Variants in MGAT4C observed in about 807,000 individuals in gnomAD.
MGAT4C encodes the protein MGAT4 family member C.
A neutral mutation model predicts 40.1 loss-of-function variants in MGAT4C; 19 were observed. The ratio of observed to expected loss-of-function variants is 0.47; its 90% CI spans 0.33 to 0.70. MGAT4C has a LOEUF of 0.70. Among genes scored for constraint, MGAT4C ranks in the 30% least tolerant of loss-of-function variants. The pLI, the probability that MGAT4C is intolerant of heterozygous loss-of-function variation, is 0.02. For missense variants in MGAT4C, 491 were observed against 563.2 expected (o/e 0.87, Z 1.30); for synonymous variants, 181 against 187.1 (o/e 0.97, Z 0.27).
chr12:86,091,646 T>TA (rs1398052255), intron 1 of MGAT4C, among the ~76,000 whole-genome samples: 1 of 152,130 alleles, frequency 6.6e-6, no homozygotes, highest in African/African-American at 2.4e-5. Context: ...CATAGCTTTA[T>TA]AATACCTCTT....
intron 1 of MGAT4C, among the ~76,000 whole-genome samples, chr12:86,769,954 T>C (rs1004174347): frequency 6.6e-6 from 1 of 152,042 alleles, no homozygotes; most frequent in African/African-American, 2.4e-5. Context: ...ATGGCACACG[T>C]ATACATATGT....
chr12:86,336,828 C>A (rs753285957), intron 3 of MGAT4C, among the ~76,000 whole-genome samples: 9 of 152,054 alleles, frequency 5.9e-5, no homozygotes, highest in Non-Finnish European at 1.3e-4. Flanking sequence ...AGGAAAGGCA[C>A]TTATTTTTCA....
At chr12:86,486,418 AC>A (rs1958020931) in intron 2 of MGAT4C, among the ~76,000 whole-genome samples, 10 of 148,112 alleles carry the variant, frequency 6.8e-5, no homozygotes, top group African/African-American at 2.5e-4. Flanking sequence ...ACACACACAC[AC>A]AAAAGAGCAT....
intron 2 of MGAT4C, among the ~76,000 whole-genome samples, chr12:86,014,941 C>T (rs1404679109): frequency 6.6e-6 from 1 of 151,126 alleles, no homozygotes; most frequent in East Asian, 1.9e-4. Context: ...GCCACCATAC[C>T]CGGCTAATTT....
rs534308404 is a variant in MGAT4C, at chr12:86,564,486, T to C, written c.-228-129221A>G. Among the ~76,000 whole-genome samples, 67 of 152,322 alleles carry C rather than the reference T, an allele frequency of 4.4e-4. 2 individuals are homozygous for C. The South Asian group carries it at 0.013, about 30-fold the overall frequency. On this transcript the variant is annotated intron_variant, in intron 2 of 7. Transcript: ENST00000548651. ...ATATCACACTGGTCCATTACATTGA[T>C]GGCATTATGCTGATTGGGTCCAGTA... is the stretch of plus-strand genomic sequence containing the variant.
chr12:86,137,281 T>C (rs1234340162), intron 1 of MGAT4C, among the ~76,000 whole-genome samples: 1 of 152,200 alleles, frequency 6.6e-6, no homozygotes, highest in Non-Finnish European at 1.5e-5. Flanking sequence ...AAATATTTCA[T>C]AAATAAAAAA....
chr12:86,038,947 G>A (rs1170547034), intron 2 of MGAT4C, among the ~76,000 whole-genome samples: 1 of 140,304 alleles, frequency 7.1e-6, no homozygotes, highest in East Asian at 1.9e-4. Context: ...AATCTCTCAG[G>A]ATTTGCTTGT....
intron 1 of MGAT4C, among the ~76,000 whole-genome samples, chr12:86,760,690 A>G (rs1468898093): frequency 6.6e-6 from 1 of 152,170 alleles, no homozygotes; most frequent in Non-Finnish European, 1.5e-5. Flanking sequence ...TGTCCAGGGC[A>G]TAGAAAAGAA....
At chr12:86,522,279 C>T (rs2136360857) in intron 2 of MGAT4C, among the ~76,000 whole-genome samples, 2 of 152,190 alleles carry the variant, frequency 1.3e-5, no homozygotes, top group Non-Finnish European at 1.5e-5. Context: ...TATGTTCCTT[C>T]AGTACCCAGT....
At chr12:86,039,845 G>A (rs373072634) in intron 2 of MGAT4C, among the ~76,000 whole-genome samples, 119 of 152,140 alleles carry the variant, frequency 7.8e-4, no homozygotes, top group African/African-American at 2.5e-3. Flanking sequence ...TTGGTTTTTC[G>A]CTTTCTTTGT....
intron 2 of MGAT4C, among the ~76,000 whole-genome samples, chr12:86,615,656 A>G (rs1326069243): frequency 6.6e-6 from 1 of 152,106 alleles, no homozygotes; most frequent in Non-Finnish European, 1.5e-5. Flanking sequence ...ACCAAAATGC[A>G]TTCCAAAGAA....
chr12:86,653,082 T>C (rs1158028308), intron 2 of MGAT4C, among the ~76,000 whole-genome samples: 1 of 151,968 alleles, frequency 6.6e-6, no homozygotes, highest in Admixed American at 6.6e-5. Flanking sequence ...AATTGATATT[T>C]TGCTTGTGGA....
intron 1 of MGAT4C, among the ~76,000 whole-genome samples, chr12:86,128,290 A>G (rs1422648725): frequency 6.6e-6 from 1 of 152,154 alleles, no homozygotes; most frequent in Non-Finnish European, 1.5e-5. Flanking sequence ...CTCACCTTGA[A>G]TTGTACTCCC....
rs966844405 is a variant in MGAT4C at position 85,976,911 on chromosome 12, T to C, written c.*2378A>G. On this transcript the variant is annotated 3_prime_UTR_variant, in exon 5 of 5. Coordinates refer to ENST00000611864, the MANE Select transcript of MGAT4C (RefSeq NM_001351288.2). ...GAAAGAGAATAGTTATTTTTCCTCC[T>C]GACCTCTAATGAAGATGCTTTATTT... is the stretch of plus-strand genomic sequence containing the variant. The C allele has an allele frequency of 7.3e-5, 11 of 151,056 alleles. 1 individual carries two copies. The highest frequency in any genetic ancestry group is 1.3e-4 in the Non-Finnish European group (9 of 67,274). The allele number at this position is 151,056 out of a possible 1,614,324, so 9.4% of individuals were successfully genotyped here. A position where few individuals can be genotyped will look rare whatever the true frequency, so the allele number is the denominator to read the frequency against.
intron 1 of MGAT4C, among the ~76,000 whole-genome samples, chr12:86,078,384 G>GA (rs1281372732): frequency 6.6e-6 from 1 of 152,182 alleles, no homozygotes; most frequent in Non-Finnish European, 1.5e-5. Flanking sequence ...TGATCAGAGG[G>GA]AATGCTGTGT....
At chr12:86,263,604 T>C (rs989096667) in intron 4 of MGAT4C, among the ~76,000 whole-genome samples, 4 of 152,230 alleles carry the variant, frequency 2.6e-5, no homozygotes, top group Non-Finnish European at 5.9e-5. Flanking sequence ...ATTCAATGTC[T>C]TTGCTACTAT....
intron 1 of MGAT4C, among the ~76,000 whole-genome samples, chr12:86,824,424 T>C (rs999054300): frequency 1.3e-5 from 2 of 151,398 alleles, no homozygotes; most frequent in Non-Finnish European, 3.0e-5. Context: ...AAAAAATAAA[T>C]TTGTACTAGT....
chr12:86,493,239 C>T (rs539727644), intron 2 of MGAT4C, among the ~76,000 whole-genome samples: 42 of 151,056 alleles, frequency 2.8e-4, no homozygotes, highest in African/African-American at 8.9e-4. Context: ...GTCAGTGTGG[C>T]GATTCCTCAG....
At chr12:86,328,757 A>G (rs1234235879) in intron 4 of MGAT4C, among the ~76,000 whole-genome samples, 1 of 152,088 alleles carries the variant, frequency 6.6e-6, no homozygotes, top group African/African-American at 2.4e-5. Flanking sequence ...GCTTTAATGC[A>G]TTTTTAATCA....
Sources: allele counts gnomAD v4.1 joint callset (sites outside exome capture counted in the v4.1 genomes callset), GRCh38; gene constraint gnomAD v4.1.1; transcripts MANE v1.5; gene names NCBI Gene and HGNC (gene_info 2026-07-23, HGNC 2026-07-21).